TROAP: variants seen among roughly 807,000 people sequenced by gnomAD.
The protein encoded by TROAP is trophinin associated protein.
A neutral mutation model predicts 83.4 loss-of-function variants in TROAP; 62 were observed. The observed-to-expected ratio is 0.74, with a 90% CI of 0.61 to 0.92. TROAP has a LOEUF of 0.92. TROAP is among the 40% of genes least tolerant of loss of function. TROAP has a pLI of 0.00. For synonymous variants in TROAP, 352 were observed against 386.4 expected, an observed-to-expected ratio of 0.91 and a Z score of 1.04; for missense variants, 876 against 985.1, an observed-to-expected ratio of 0.89 and a Z score of 1.48.
rs550929724 is a variant in TROAP, at chr12:49,330,910, C to G, written c.2065C>G (p.Leu689Val). 1 of 1,612,494 alleles carries G rather than the reference C, an allele frequency of 6.2e-7. No individual in the cohort carries two copies. The highest frequency in any genetic ancestry group is 8.5e-7 in the Non-Finnish European group (1 of 1,179,994). The change falls in exon 13 of 15, where the codon CTC becomes GTC. Residue 689 changes from leucine to valine, a missense_variant. Around this residue, in one of 3 missense-constraint regions of TROAP, gnomAD observed 184 missense variants for 238.3 expected, o/e 0.77. Coordinates refer to ENST00000257909, the MANE Select transcript of TROAP (RefSeq NM_005480.4). ...PLCASPPICS[L>V]QSLRPPAGQA... ...TTGTGCCAGCCCCCCTATCTGCTCA[C>G]TCCAGTCTTTGAGACCCCCAGCAGG...
In TROAP at chr12:49,331,660, C is replaced by T; in HGVS notation, c.*43C>T. ...CCCTGCCGTACTTCTTCCTTTTAGC[C>T]CTTATTTATTGTCGGTCTGCCCATG... On this transcript the variant is annotated 3_prime_UTR_variant, in exon 15 of 15. Coordinates refer to ENST00000257909, the MANE Select transcript of TROAP (RefSeq NM_005480.4). The T allele has an allele frequency of 6.2e-7, 1 of 1,613,164 alleles. No individual in the cohort carries two copies. Among genetic ancestry groups the T allele is most frequent in the East Asian group, 2.2e-5 (1 of 44,882 alleles).
chr12:49,327,793 TAATA>T (rs951087428), intron 8 of TROAP, among the ~76,000 whole-genome samples: 1 of 151,876 alleles, frequency 6.6e-6, no homozygotes, highest in African/African-American at 2.4e-5. Context: ...TCTAAAATAA[TAATA>T]ATAATAATAA....
intron 8 of TROAP, among the ~76,000 whole-genome samples, chr12:49,328,600 T>C (rs1428933374): frequency 6.6e-6 from 1 of 151,874 alleles, no homozygotes; most frequent in Non-Finnish European, 1.5e-5. Context: ...CGTGGTGGCT[T>C]ACTCCTGTAA....
chr12:49,326,929 G>A (rs1943509181), intron 7 of TROAP, among the ~76,000 whole-genome samples: 1 of 152,120 alleles, frequency 6.6e-6, no homozygotes, highest in African/African-American at 2.4e-5. Context: ...TCTCCATTTC[G>A]GCCCTCTCTC....
rs1341533595 is a variant in TROAP, at chr12:49,327,294, A to G, written c.855A>G (p.Val285=). ...GVASLGLAQR[V]PLRENREMSH... is the part of the protein sequence containing the mutation. ...CCTCTCTTGGTCTGGCCCAGCGAGT[A>G]CCATTAAGAGAAAACCGAGAAATGT... Residue 285 remains valine (V), a synonymous_variant, in exon 8 of 15, where the codon GTA becomes GTG. Transcript: ENST00000257909. The G allele has an allele frequency of 1.9e-6, 3 of 1,614,070 alleles. No individual in the cohort carries two copies. Among genetic ancestry groups the G allele is most frequent in the Non-Finnish European group, 2.5e-6 (3 of 1,180,024 alleles).
chr12:49,324,182 T>C, intron 3 of TROAP, 145 bp downstream of exon 3: 1 of 1,614,154 alleles, frequency 6.2e-7, no homozygotes. Context: ...GGAAAGCTCT[T>C]TGCTCTTAGA....
rs771691133 is a variant in TROAP, at chr12:49,331,107, C to T, written c.2099-107C>T. 19 of 1,548,548 alleles carry T rather than the reference C, an allele frequency of 1.2e-5. No homozygotes were observed. The East Asian group carries it at 1.8e-4, about 15-fold the overall frequency. ...AAGAGGGGAGGGGCTGCACTTCCAGCCCTGTGCTCCTAATTGGCTTGGCCG... is the reference window on the plus strand; with the variant it reads ...AAGAGGGGAGGGGCTGCACTTCCAGTCCTGTGCTCCTAATTGGCTTGGCCG... On this transcript the variant is annotated intron_variant, in intron 13 of 14. Coordinates refer to ENST00000257909, the MANE Select transcript of TROAP (RefSeq NM_005480.4).
chr12:49,329,311 A>C lies in TROAP; in HGVS notation c.1104+67A>C. On this transcript the variant is annotated intron_variant, in intron 10 of 14. Transcript: ENST00000257909. This position sits in a 1 kb window ranked among gnomAD's most constrained non-coding sequence, Gnocchi z 4.5. Reference sequence around the variant, plus strand: ...TAGGGGAGAAAGGAGATGGATGGGTACAGGAGAGAGAAGACAGAAGCAAGG... The same window carrying C: ...TAGGGGAGAAAGGAGATGGATGGGTCCAGGAGAGAGAAGACAGAAGCAAGG... The C allele has an allele frequency of 6.2e-7, 1 of 1,612,860 alleles. No homozygotes were observed. The highest frequency in any genetic ancestry group is 1.1e-5 in the South Asian group (1 of 91,060).
intron 6 of TROAP, 44 bp from the exon 7 acceptor site, chr12:49,326,624 C>A: frequency 6.5e-7 from 1 of 1,542,810 alleles, no homozygotes; most frequent in Non-Finnish European, 8.8e-7. Context: ...CCAGCTCATA[C>A]TTGGTATTCA....
intron 12 of TROAP, 73 bp from the exon 13 acceptor site, chr12:49,330,072 G>C: frequency 6.2e-7 from 1 of 1,605,556 alleles, no homozygotes; most frequent in Admixed American, 1.7e-5. Flanking sequence ...TGGGGGATCA[G>C]GAATAGGACA....
chr12:49,325,943 G>C (rs1002036672), intron 5 of TROAP, 59 bp downstream of exon 5: 7 of 1,604,716 alleles, frequency 4.4e-6, no homozygotes, highest in Admixed American at 1.7e-5. Flanking sequence ...CAGGGACAAA[G>C]CTGGGCTCTG....
chr12:49,330,541 A>G lies in TROAP; in HGVS notation c.1696A>G (p.Ile566Val). Reference sequence around the variant, plus strand: ...GTCCTGCTGTAGGAGTGAGCCTGAGATACCGGAGTCCTCTCGCCAGGAACA... The same window carrying G: ...GTCCTGCTGTAGGAGTGAGCCTGAGGTACCGGAGTCCTCTCGCCAGGAACA... ...LESCCRSEPE[I>V]PESSRQEQLE... The change falls in exon 13 of 15, where the codon ATA (isoleucine) becomes GTA (valine). Residue 566 changes from isoleucine (I) to valine (V), a missense_variant. Transcript: ENST00000257909. The G allele has an allele frequency of 6.2e-7, 1 of 1,613,240 alleles. No individual in the cohort carries two copies. Among genetic ancestry groups the G allele is most frequent in the South Asian group, 1.1e-5 (1 of 90,974 alleles).
Position 49,329,083 on chromosome 12 carries a change from A to T in TROAP, c.1020+28A>T. On this transcript the variant is annotated intron_variant, in intron 9 of 14. Transcript: ENST00000257909. This position sits in a 1 kb window ranked among gnomAD's most constrained non-coding sequence, Gnocchi z 4.5. ...TTGTGTCAACAACTGGGGGCTGGGCAGGGGCAGAACAGTCTGGCCGGAGAT... is the reference window on the plus strand; with the variant it reads ...TTGTGTCAACAACTGGGGGCTGGGCTGGGGCAGAACAGTCTGGCCGGAGAT... 6.2e-7 allele frequency: 1 copy of T among 1,613,308 alleles called. No homozygotes were observed. The highest frequency in any genetic ancestry group is 1.3e-5 in the African/African-American group (1 of 75,014).
In TROAP at chr12:49,330,166, C is replaced by T; in HGVS notation, c.1321C>T (p.Leu441=). The part of the protein sequence containing the change: ...KIQRIGILQQ[L]LRQEVEGLVG... The stretch of plus-strand genomic sequence containing the variant: ...ACAGCGCATCGGTATCCTGCAACAG[C>T]TGTTGAGACAGGAAGTAGAGGGGCT... The change falls in exon 13 of 15, where the codon CTG becomes TTG. Residue 441 remains leucine, a synonymous_variant. Transcript: ENST00000257909. 1 of 1,613,874 alleles carries T rather than the reference C, an allele frequency of 6.2e-7. No individual in the cohort carries two copies. Among genetic ancestry groups the T allele is most frequent in the Non-Finnish European group, 8.5e-7 (1 of 1,179,848 alleles).
At chr12:49,327,737 A>T (rs1237982948) in intron 8 of TROAP, among the ~76,000 whole-genome samples, 2 of 152,142 alleles carry the variant, frequency 1.3e-5, no homozygotes, top group Admixed American at 6.6e-5. Context: ...ACAAGAAATA[A>T]ACACAGGTAT....
intron 3 of TROAP, chr12:49,324,267 G>A: frequency 6.4e-7 from 1 of 1,552,632 alleles, no homozygotes; most frequent in South Asian, 1.1e-5. Flanking sequence ...AGCTACTCAG[G>A]AGGCTGAAGC....
chr12:49,331,431 G>A, intron 14 of TROAP, 24 bp downstream of exon 14: 1 of 1,609,692 alleles, frequency 6.2e-7, no homozygotes, highest in Non-Finnish European at 8.5e-7. Context: ...CCACAGCCCA[G>A]CTGTGGCTGC....
intron 8 of TROAP, 128 bp downstream of exon 8, chr12:49,327,458 G>A: frequency 1.5e-6 from 2 of 1,366,162 alleles, no homozygotes; most frequent in South Asian, 1.4e-5. Flanking sequence ...GATGTTACTG[G>A]GTAGGTTTAC....
At chr12:49,323,428 A>G (rs1320388641) in intron 1 of TROAP, 79 bp downstream of exon 1, 2 of 799,768 alleles carry the variant, frequency 2.5e-6, no homozygotes, top group Non-Finnish European at 3.9e-6. Context: ...CGAGGGCGAA[A>G]GAGTAGGCTC....
Sources: allele counts gnomAD v4.1 joint callset (sites outside exome capture counted in the v4.1 genomes callset), GRCh38; gene constraint gnomAD v4.1.1; regional missense constraint gnomAD v4.1.1; non-coding constraint Gnocchi (gnomAD v3.1); transcripts MANE v1.5; gene names NCBI Gene and HGNC (gene_info 2026-07-23, HGNC 2026-07-21).